The following GTPBP10 variants were observed in gnomAD, a reference collection of about 807,000 sequenced individuals.
GTPBP10 encodes GTP binding protein 10.
In GTPBP10, 38 loss-of-function variants were observed where a neutral mutation model predicts 44.8. That is an observed-to-expected ratio of 0.85 (90% CI 0.65 to 1.11). The LOEUF (loss-of-function observed/expected upper bound fraction) is 1.11, where lower values mean the gene tolerates loss of function less well. Among genes scored for constraint, GTPBP10 ranks in the 50% most tolerant of loss-of-function variants. The pLI, the probability that GTPBP10 is intolerant of heterozygous loss-of-function variation, is 0.00. For missense variants in GTPBP10, 462 were observed against 453.7 expected, an observed-to-expected ratio of 1.02 and a Z score of -0.17; for synonymous variants, 152 against 150.6, an observed-to-expected ratio of 1.01 and a Z score of -0.07.
intron 4 of GTPBP10, among the ~76,000 whole-genome samples, chr7:90,364,187 T>C (rs1796086333): frequency 6.6e-6 from 1 of 152,248 alleles, no homozygotes; most frequent in Non-Finnish European, 1.5e-5. Context: ...AGGAGCTGCA[T>C]TCCTTTGGAG....
chr7:90,351,417 T>C (rs1442206894), intron 1 of GTPBP10, among the ~76,000 whole-genome samples: 1 of 152,194 alleles, frequency 6.6e-6, no homozygotes, highest in Non-Finnish European at 1.5e-5. Flanking sequence ...CCATCTCTAG[T>C]TTTTAAAAAT....
chr7:90,374,155 A>G (rs1328857736), intron 5 of GTPBP10, 147 bp from the exon 6 acceptor site: 2 of 656,472 alleles, frequency 3.0e-6, no homozygotes, highest in East Asian at 5.8e-5. Flanking sequence ...TACATATTAA[A>G]TAGCAAAGAT....
intron 8 of GTPBP10, among the ~76,000 whole-genome samples, chr7:90,380,495 T>G (rs1384081352): frequency 6.6e-6 from 1 of 152,206 alleles, no homozygotes; most frequent in African/African-American, 2.4e-5. Flanking sequence ...AAACTATTAT[T>G]TATTTATTTA....
chr7:90,386,783 AC>A lies in GTPBP10; in HGVS notation c.*1630del, dbSNP rs1341453385. On this transcript the variant is annotated 3_prime_UTR_variant, in exon 10 of 10. Coordinates refer to ENST00000222511, the MANE Select transcript of GTPBP10 (RefSeq NM_033107.4). ...TGAGTGTTTCACAAATACAAACTGG[AC>A]ATTTTCCCTTTAAATGAGTTTTATT... is the stretch of plus-strand genomic sequence containing the variant. 1.3e-5 allele frequency: 2 copies of A among 152,212 alleles called. No homozygotes were observed. The highest frequency in any genetic ancestry group is 1.3e-4 in the Admixed American group (2 of 15,284). The allele number at this position is 152,212 out of a possible 1,614,324, so 9.4% of individuals were successfully genotyped here.
chr7:90,350,279 C>T (rs1017703981), intron 1 of GTPBP10, among the ~76,000 whole-genome samples: 1 of 152,202 alleles, frequency 6.6e-6, no homozygotes, highest in African/African-American at 2.4e-5. Context: ...ATATGTGCCA[C>T]ATTTTCTTAA....
chr7:90,359,117 A>G (rs907729534), intron 4 of GTPBP10, among the ~76,000 whole-genome samples: 3 of 152,200 alleles, frequency 2.0e-5, no homozygotes, highest in East Asian at 3.9e-4. Context: ...TGGGGAAAAG[A>G]GAACTCATAC....
intron 4 of GTPBP10, among the ~76,000 whole-genome samples, chr7:90,367,242 G>A (rs1403983583): frequency 6.6e-6 from 1 of 152,134 alleles, no homozygotes; most frequent in Non-Finnish European, 1.5e-5. Flanking sequence ...ACGATATGCT[G>A]AGAAGAATAT....
intron 4 of GTPBP10, among the ~76,000 whole-genome samples, chr7:90,367,987 A>G (rs1796171037): frequency 6.6e-6 from 1 of 152,120 alleles, no homozygotes. Flanking sequence ...TGTTGACAAA[A>G]TCTCTCAGCA....
chr7:90,377,333 A>G (rs539757374), intron 6 of GTPBP10, among the ~76,000 whole-genome samples, 174 bp from the exon 7 acceptor site: 66 of 152,360 alleles, frequency 4.3e-4, no homozygotes, highest in Non-Finnish European at 7.2e-4. Flanking sequence ...ACAAAATTTT[A>G]ATTCTTAATA....
At chr7:90,348,423 A>AAT (rs1029427868) in intron 1 of GTPBP10, among the ~76,000 whole-genome samples, 4 of 152,084 alleles carry the variant, frequency 2.6e-5, no homozygotes, top group South Asian at 4.1e-4. Flanking sequence ...ACACATATAA[A>AAT]ATATATATAT....
At position 90,346,724 on chromosome 7, in the gene GTPBP10, T is replaced by C; in HGVS notation, c.-18T>C. The C allele has an allele frequency of 6.2e-7, 1 of 1,614,240 alleles. No homozygotes were observed. Among genetic ancestry groups the C allele is most frequent in the South Asian group, 1.1e-5 (1 of 91,084 alleles). On this transcript the variant is annotated 5_prime_UTR_variant, in exon 1 of 10. Coordinates refer to ENST00000222511, the MANE Select transcript of GTPBP10 (RefSeq NM_033107.4). Reference sequence around the variant, plus strand: ...CTTGTGCCGCTTCCGCAAGAAGGTTTCCTGGCCTGTTGCAGCCATGGTGCA... The same window carrying C: ...CTTGTGCCGCTTCCGCAAGAAGGTTCCCTGGCCTGTTGCAGCCATGGTGCA...
intron 4 of GTPBP10, among the ~76,000 whole-genome samples, chr7:90,365,375 T>TTTC (rs1796111935): frequency 2.3e-5 from 2 of 86,752 alleles, no homozygotes; most frequent in Non-Finnish European, 5.1e-5. Flanking sequence ...TTTCTTTTTT[T>TTTC]TTTTTTTTTT....
chr7:90,363,583 C>G (rs1379602733), intron 4 of GTPBP10, among the ~76,000 whole-genome samples: 10 of 152,130 alleles, frequency 6.6e-5, no homozygotes, highest in Non-Finnish European at 1.0e-4. Context: ...TCCTTCATTT[C>G]AACTTTGGTG....
rs902537676 is a variant in GTPBP10 at position 90,391,349 on chromosome 7, A to G, written c.*6195A>G. 3 of 152,156 alleles carry G rather than the reference A, an allele frequency of 2.0e-5. No individual in the cohort carries two copies. The South Asian group carries it at 6.2e-4, about 31-fold the overall frequency. The allele number at this position is 152,156 out of a possible 1,614,324, so 9.4% of individuals were successfully genotyped here. On this transcript the variant is annotated 3_prime_UTR_variant, in exon 10 of 10. Coordinates refer to ENST00000222511, the MANE Select transcript of GTPBP10 (RefSeq NM_033107.4). ...CCCTATATATATTATGTTTTTTTCT[A>G]TATATACACAGCTATGATAAAGTTC... is the stretch of plus-strand genomic sequence containing the variant.
chr7:90,348,498 A>G (rs1395584739), intron 1 of GTPBP10, among the ~76,000 whole-genome samples: 1 of 152,200 alleles, frequency 6.6e-6, no homozygotes, highest in African/African-American at 2.4e-5. Flanking sequence ...GTCAGAAAGA[A>G]GGGAAAATAT....
At chr7:90,377,689 T>C in intron 7 of GTPBP10, 75 bp downstream of exon 7, 1 of 995,246 alleles carries the variant, frequency 1.0e-6, no homozygotes, top group Non-Finnish European at 1.5e-6. Context: ...AGAATTTTTT[T>C]ATAAATAAGA....
intron 8 of GTPBP10, among the ~76,000 whole-genome samples, chr7:90,381,420 ATTTG>A (rs1796433930): frequency 6.6e-6 from 1 of 152,230 alleles, no homozygotes; most frequent in Admixed American, 6.5e-5. Context: ...TATATTGGTC[ATTTG>A]TTTGTTGTTG....
In GTPBP10 at chr7:90,387,178, A is replaced by G. The variant is rs1385913238; in HGVS notation, c.*2024A>G. 1 of 152,040 alleles carries G rather than the reference A, an allele frequency of 6.6e-6. No individual in the cohort carries two copies. Among genetic ancestry groups the G allele is most frequent in the Non-Finnish European group, 1.5e-5 (1 of 68,018 alleles). The allele number at this position is 152,040 out of a possible 1,614,324, so 9.4% of individuals were successfully genotyped here. On this transcript the variant is annotated 3_prime_UTR_variant, in exon 10 of 10. Transcript: ENST00000222511. ...ATGGTGAAAACCCATCTCTACTAAA[A>G]TACAAAAATCAGCTGGGCATGGTGG...
chr7:90,381,893 C>T (rs1481416097), intron 8 of GTPBP10, among the ~76,000 whole-genome samples: 1 of 152,124 alleles, frequency 6.6e-6, no homozygotes, highest in African/African-American at 2.4e-5. Flanking sequence ...ATCCTTACTT[C>T]ACACCATATA....
Sources: allele counts gnomAD v4.1 joint callset (sites outside exome capture counted in the v4.1 genomes callset), GRCh38; gene constraint gnomAD v4.1.1; transcripts MANE v1.5; gene names NCBI Gene and HGNC (gene_info 2026-07-23, HGNC 2026-07-21).